CCDC9: variants seen among roughly 807,000 people sequenced by gnomAD.
CCDC9 encodes coiled-coil domain-containing protein 9.
Under a neutral mutation model 65.6 loss-of-function variants are expected in CCDC9, and 52 were observed. That is an observed-to-expected ratio of 0.79 (90% CI 0.63 to 1.00). The LOEUF is 1.00. Among genes scored for constraint, CCDC9 ranks in the 50% least tolerant of loss-of-function variants. The probability of loss-of-function intolerance (pLI) is 0.00; values close to 1 mark genes in which losing one functional copy is unlikely to be tolerated. For synonymous variants in CCDC9, 332 were observed against 280.3 expected (o/e 1.18, Z -1.84); for missense variants, 834 against 757.2 (o/e 1.10, Z -1.19).
chr19:47,275,134 C>T (rs941783153), downstream of CCDC9: 9 of 1,490,518 alleles, frequency 6.0e-6, no homozygotes, highest in Middle Eastern at 3.9e-4. Context: ...CCCAGCGCGC[C>T]GTCCCCTCCG....
At chr19:47,265,145 C>A (rs943290728) in intron 7 of CCDC9, among the ~76,000 whole-genome samples, 199 bp downstream of exon 7, 5 of 152,104 alleles carry the variant, frequency 3.3e-5, no homozygotes, top group African/African-American at 9.7e-5. Context: ...GCAGCCTTTG[C>A]CTCCTGGGCT....
downstream of CCDC9, chr19:47,273,699 G>T: frequency 2.6e-6 from 1 of 379,314 alleles, no homozygotes. Context: ...GGAGGCCCTG[G>T]GCGGCTCGAG....
intron 7 of CCDC9, 47 bp downstream of exon 7, chr19:47,264,993 G>A (rs1300706977): frequency 1.2e-5 from 17 of 1,411,256 alleles, no homozygotes; most frequent in Admixed American, 8.7e-5. Context: ...GGGCTTTGAT[G>A]GGGACTGCAT....
Position 47,271,707 on chromosome 19 carries a change from G to GTT in CCDC9, c.*30_*31insTT. ...TGGCTGCCTGTGTGTGTGTGTGTGT[G>GTT]TGTGTGTGTGTGTGTGTGTGTGTGT... is the stretch of plus-strand genomic sequence containing the variant. On this transcript the variant is annotated 3_prime_UTR_variant, in exon 12 of 12. Coordinates refer to ENST00000221922, the MANE Select transcript of CCDC9 (RefSeq NM_015603.3). The GTT allele has an allele frequency of 7.5e-7, 1 of 1,341,320 alleles. No individual in the cohort carries two copies. Among genetic ancestry groups the GTT allele is most frequent in the Non-Finnish European group, 9.7e-7 (1 of 1,027,570 alleles). The allele number at this position is 1,341,320 out of a possible 1,614,324, so 83.1% of individuals were successfully genotyped here. A position where few individuals can be genotyped will look rare whatever the true frequency, so the allele number is the denominator to read the frequency against.
intron 4 of CCDC9, 73 bp downstream of exon 4, chr19:47,260,495 C>T: frequency 1.3e-6 from 2 of 1,599,370 alleles, no homozygotes; most frequent in Non-Finnish European, 8.5e-7. Context: ...GACCCAGGAG[C>T]CCCCAGCTGT....
rs779811632 is a variant in CCDC9 at position 47,271,586 on chromosome 19, T to C, written c.1504T>C (p.Trp502Arg). Residue 502 changes from tryptophan to arginine, a missense_variant, in exon 12 of 12, where the codon TGG becomes CGG. Transcript: ENST00000221922. ...CAGCGGCCACCAGCCTGTGTCCGATTGGGGTGAAGAGGTGGAGCTGAATTC... is the reference window on the plus strand; with the variant it reads ...CAGCGGCCACCAGCCTGTGTCCGATCGGGGTGAAGAGGTGGAGCTGAATTC... ...PPSGHQPVSD[W>R]GEEVELNSPR... 4.3e-6 allele frequency: 7 copies of C among 1,612,932 alleles called. No individual in the cohort carries two copies. Among genetic ancestry groups the C allele is most frequent in the Admixed American group, 3.3e-5 (2 of 59,990 alleles).
At chr19:47,270,295 TG>T in intron 8 of CCDC9, 111 bp from the exon 9 acceptor site, 1 of 1,014,126 alleles carries the variant, frequency 9.9e-7, no homozygotes, top group Non-Finnish European at 1.5e-6. Context: ...GTCCCCTGTC[TG>T]GTTGACCGTC....
chr19:47,260,906 C>G, intron 5 of CCDC9, 67 bp downstream of exon 5: 1 of 1,536,276 alleles, frequency 6.5e-7, no homozygotes. Flanking sequence ...TTTTTTCCTC[C>G]TCTCAGATGC....
Position 47,270,703 on chromosome 19 carries a change from C to T in CCDC9, c.1085+15C>T, listed in dbSNP as rs1223991240. 1.2e-6 allele frequency: 2 copies of T among 1,605,938 alleles called. No individual in the cohort carries two copies. The highest frequency in any genetic ancestry group is 1.1e-5 in the South Asian group (1 of 90,774). On this transcript the variant is annotated intron_variant, in intron 10 of 11. Coordinates refer to ENST00000221922, the MANE Select transcript of CCDC9 (RefSeq NM_015603.3). ...AGGGCCTACAGGTGGGGCACCCCTT[C>T]TGCGGGCTTGCATACCCCCAGGGCT...
At chr19:47,275,593 GCCCC>G, downstream of CCDC9, 1 of 552,186 alleles carries the variant, frequency 1.8e-6, no homozygotes, top group East Asian at 3.5e-5. Context: ...TCTGTCTCCT[GCCCC>G]TCCTGCTGTG....
chr19:47,270,236 G>A (rs538550580), intron 8 of CCDC9, among the ~76,000 whole-genome samples, 171 bp from the exon 9 acceptor site: 2 of 151,678 alleles, frequency 1.3e-5, no homozygotes, highest in Admixed American at 6.6e-5. Flanking sequence ...CCCAGAGTGC[G>A]GGGATTACAG....
downstream of CCDC9, chr19:47,275,377 C>T (rs1467932903): frequency 3.3e-6 from 5 of 1,529,324 alleles, no homozygotes; most frequent in African/African-American, 1.4e-5. Context: ...CCCGGATCGC[C>T]AGCCCTCGAG....
intron 4 of CCDC9, 63 bp from the exon 5 acceptor site, chr19:47,260,525 T>TCCA (rs1424374664): frequency 2.5e-6 from 4 of 1,580,278 alleles, no homozygotes; most frequent in Non-Finnish European, 3.4e-6. Context: ...GTGGGTGGCC[T>TCCA]CCATCCTGGC....
chr19:47,266,647 A>T lies in CCDC9; in HGVS notation c.757A>T (p.Thr253Ser), dbSNP rs1420170732. ...TGGCCTGGGCAGTGCTGGAGACATG[A>T]CGTTGTCCATGACGGGCCGGGAGCG... The part of the protein sequence containing the change: ...RAGLGSAGDM[T>S]LSMTGRERSE... The change falls in exon 8 of 12, where the codon ACG becomes TCG. Residue 253 changes from threonine (T) to serine (S), a missense_variant. Coordinates refer to ENST00000221922, the MANE Select transcript of CCDC9 (RefSeq NM_015603.3). 1 of 1,587,252 alleles carries T rather than the reference A, an allele frequency of 6.3e-7. No homozygotes were observed. Among genetic ancestry groups the T allele is most frequent in the East Asian group, 2.3e-5 (1 of 43,698 alleles).
At chr19:47,273,951 T>C, downstream of CCDC9, 1 of 982,358 alleles carries the variant, frequency 1.0e-6, no homozygotes, top group Non-Finnish European at 1.2e-6. Flanking sequence ...CCGTCTTCCC[T>C]CCCCCCTCCC....
chr19:47,261,103 C>T lies in CCDC9; in HGVS notation c.462+264C>T, dbSNP rs148726033. Among the ~76,000 whole-genome samples the T allele has an allele frequency of 7.0e-4, 107 of 152,134 alleles. No homozygotes were observed. In the East Asian group the frequency reaches 0.019, roughly 27 times the overall value. On this transcript the variant is annotated intron_variant, in intron 5 of 11. Transcript: ENST00000221922. Reference sequence around the variant, plus strand: ...CTCTTTCTCTCCTACTCCTGCTCCCCGTCTTCTTGTTCCTCCTCGCCTTCC... The same window carrying T: ...CTCTTTCTCTCCTACTCCTGCTCCCTGTCTTCTTGTTCCTCCTCGCCTTCC...
In CCDC9 at chr19:47,259,533, G is replaced by T. The variant is rs2059031541; in HGVS notation, c.109-788G>T. On this transcript the variant is annotated intron_variant, in intron 3 of 11. Transcript: ENST00000221922. ...AGTTACTGATGGGCAGTTCAGGGCAGGGGGAGGAAGAGGGAGGATTTAGGA... is the reference window on the plus strand; with the variant it reads ...AGTTACTGATGGGCAGTTCAGGGCATGGGGAGGAAGAGGGAGGATTTAGGA... 2.0e-5 allele frequency among the ~76,000 whole-genome samples: 3 copies of T among 152,170 alleles called. No homozygotes were observed. In the South Asian group the frequency reaches 6.2e-4, roughly 32 times the overall value.
At chr19:47,256,904 C>G (rs1428533375) in intron 1 of CCDC9, among the ~76,000 whole-genome samples, 1 of 150,906 alleles carries the variant, frequency 6.6e-6, no homozygotes, top group Non-Finnish European at 1.5e-5. Context: ...TGGCGGGGCT[C>G]GGACGCCGGG....
intron 7 of CCDC9, among the ~76,000 whole-genome samples, chr19:47,265,411 C>T (rs973343555): frequency 5.3e-5 from 8 of 151,980 alleles, no homozygotes; most frequent in Non-Finnish European, 8.8e-5. Context: ...AGGTAAATCT[C>T]CCCTCATTGT....
Sources: allele counts gnomAD v4.1 joint callset (sites outside exome capture counted in the v4.1 genomes callset), GRCh38; gene constraint gnomAD v4.1.1; transcripts MANE v1.5; gene names NCBI Gene and HGNC (gene_info 2026-07-23, HGNC 2026-07-21).